The following TERT variants were observed in gnomAD, a reference collection of about 807,000 sequenced individuals.
The protein encoded by TERT is telomerase catalytic subunit.
Under a neutral mutation model 104.0 loss-of-function variants are expected in TERT, and 42 were observed. The ratio of observed to expected loss-of-function variants is 0.40; its 90% CI spans 0.32 to 0.52. The LOEUF is 0.52. TERT is among the 20% of genes least tolerant of loss of function. TERT has a pLI of 0.43. For synonymous variants in TERT, 781 were observed against 725.6 expected, an observed-to-expected ratio of 1.08 and a Z score of -1.23; for missense variants, 1,101 against 1,610.3, an observed-to-expected ratio of 0.68 and a Z score of 5.41.
chr5:1,256,706 G>A lies in TERT; in HGVS notation c.3033-1295C>T, dbSNP rs964085436. 3.3e-5 allele frequency among the ~76,000 whole-genome samples: 5 copies of A among 152,196 alleles called. No homozygotes were observed. Among genetic ancestry groups the A allele is most frequent in the African/African-American group, 1.2e-4 (5 of 41,434 alleles). On this transcript the variant is annotated intron_variant, in intron 13 of 15. Coordinates refer to ENST00000310581, the MANE Select transcript of TERT (RefSeq NM_198253.3). This position sits in a 1 kb window ranked among gnomAD's most constrained non-coding sequence, Gnocchi z 7.0. Reference sequence around the variant, plus strand: ...TGTCTTTTCCCCATTTAGCAACAACGGAAGCCAGGCCCAGAATGTTTTTAA... The same window carrying A: ...TGTCTTTTCCCCATTTAGCAACAACAGAAGCCAGGCCCAGAATGTTTTTAA...
intron 2 of TERT, 138 bp from the exon 3 acceptor site, chr5:1,282,762 C>G: frequency 2.4e-6 from 2 of 835,370 alleles, no homozygotes; most frequent in Non-Finnish European, 1.9e-6. Flanking sequence ...CATCCGGACA[C>G]GGCACATCCA....
At chr5:1,279,186 C>T (rs1469677578) in intron 5 of TERT, 105 bp downstream of exon 5, 1 of 1,337,422 alleles carries the variant, frequency 7.5e-7, no homozygotes, top group Non-Finnish European at 1.0e-6. Context: ...ACCTGCACTC[C>T]CTGCGGCCCA....
rs149223357 is a variant in TERT at position 1,261,386 on chromosome 5, A to C, written c.2844-786T>G. 6.7e-4 allele frequency among the ~76,000 whole-genome samples: 102 copies of C among 152,328 alleles called. No individual in the cohort carries two copies. Among genetic ancestry groups the C allele is most frequent in the African/African-American group, 2.3e-3 (94 of 41,574 alleles). On this transcript the variant is annotated intron_variant, in intron 11 of 15. Transcript: ENST00000310581. This position sits in a 1 kb window ranked among gnomAD's most constrained non-coding sequence, Gnocchi z 7.4. ...GGGCAGGTTCGTGACTTGCTGTGGC[A>C]AGTCCCCCTGCCTGGAACACTGGAA...
At chr5:1,272,095 A>T in intron 7 of TERT, 90 bp downstream of exon 7, 1 of 1,127,034 alleles carries the variant, frequency 8.9e-7, no homozygotes, top group Non-Finnish European at 1.3e-6. Context: ...CCCAGGGCCA[A>T]CAGTCTGTCC....
chr5:1,258,853 T>C (rs1441947342), intron 12 of TERT, among the ~76,000 whole-genome samples, 194 bp from the exon 13 acceptor site: 1 of 152,252 alleles, frequency 6.6e-6, no homozygotes, highest in Non-Finnish European at 1.5e-5. Context: ...GTCAAGACTC[T>C]GTGTCATCTG....
chr5:1,277,673 G>T (rs959449248), intron 6 of TERT, among the ~76,000 whole-genome samples: 1 of 150,476 alleles, frequency 6.6e-6, no homozygotes, highest in African/African-American at 2.5e-5. Context: ...GGGACGGGGG[G>T]GTCTCCTGGG....
At position 1,268,339 on chromosome 5, in the gene TERT, C is replaced by G. The variant is rs1448812023; in HGVS notation, c.2582+181G>C. The stretch of plus-strand genomic sequence containing the variant: ...CGCTGGACAGAGCCTGCGTGGAGCC[C>G]GCAGTCCTCAGGCTGTGCAACCCCT... On this transcript the variant is annotated intron_variant, in intron 9 of 15. Transcript: ENST00000310581. The surrounding 1 kb of genome is among the most constrained non-coding windows in gnomAD (Gnocchi z 5.5). Among the ~76,000 whole-genome samples the G allele has an allele frequency of 6.6e-6, 1 of 152,212 alleles. No homozygotes were observed. The highest frequency in any genetic ancestry group is 2.1e-4 in the South Asian group (1 of 4,830).
rs2126663666 is a variant in TERT, at chr5:1,286,661, T to A, written c.1574-4037A>T. On this transcript the variant is annotated intron_variant, in intron 2 of 15. Transcript: ENST00000310581. The surrounding 1 kb of genome is among the most constrained non-coding windows in gnomAD (Gnocchi z 5.3). Reference sequence around the variant, plus strand: ...GGGAGGCCAAGGCGGGCAGATCACTTGAGGTCAGGAGTTTGAGACCAGCCT... The same window carrying A: ...GGGAGGCCAAGGCGGGCAGATCACTAGAGGTCAGGAGTTTGAGACCAGCCT... Among the ~76,000 whole-genome samples, 1 of 152,228 alleles carries A rather than the reference T, an allele frequency of 6.6e-6. No individual in the cohort carries two copies. Among genetic ancestry groups the A allele is most frequent in the Admixed American group, 6.5e-5 (1 of 15,284 alleles).
At position 1,270,710 on chromosome 5, in the gene TERT, A is replaced by C. The variant is rs980271358; in HGVS notation, c.2468+409T>G. On this transcript the variant is annotated intron_variant, in intron 8 of 15. Coordinates refer to ENST00000310581, the MANE Select transcript of TERT (RefSeq NM_198253.3). This position sits in a 1 kb window ranked among gnomAD's most constrained non-coding sequence, Gnocchi z 8.3. ...CGACAGGGACAGGAATGAGAATCGG[A>C]TAAAATCCTTTTGTATCGGGAGAGA... Among the ~76,000 whole-genome samples, 8 of 152,258 alleles carry C rather than the reference A, an allele frequency of 5.3e-5. No individual in the cohort carries two copies. The highest frequency in any genetic ancestry group is 2.6e-4 in the Admixed American group (4 of 15,292).
At position 1,255,224 on chromosome 5, in the gene TERT, T is replaced by G; in HGVS notation, c.3157+63A>C. 6.3e-7 allele frequency: 1 copy of G among 1,597,852 alleles called. No homozygotes were observed. The highest frequency in any genetic ancestry group is 8.5e-7 in the Non-Finnish European group (1 of 1,171,460). ...TTCCTAAGCCCAGATTCACTCAGTC[T>G]CCTGACACACTAACACCAGCAGGCA... On this transcript the variant is annotated intron_variant, in intron 14 of 15. Coordinates refer to ENST00000310581, the MANE Select transcript of TERT (RefSeq NM_198253.3). This position sits in a 1 kb window ranked among gnomAD's most constrained non-coding sequence, Gnocchi z 6.9.
Position 1,286,836 on chromosome 5 carries a change from C to T in TERT, c.1574-4212G>A, listed in dbSNP as rs1455405793. ...GAGGTTGCAGTGAGCCGAGATTGTGCCATTACACTCCAGCCTGGGTGACAG... is the reference window on the plus strand; with the variant it reads ...GAGGTTGCAGTGAGCCGAGATTGTGTCATTACACTCCAGCCTGGGTGACAG... On this transcript the variant is annotated intron_variant, in intron 2 of 15. Coordinates refer to ENST00000310581, the MANE Select transcript of TERT (RefSeq NM_198253.3). This position sits in a 1 kb window ranked among gnomAD's most constrained non-coding sequence, Gnocchi z 5.3. Among the ~76,000 whole-genome samples, 1 of 152,114 alleles carries T rather than the reference C, an allele frequency of 6.6e-6. No individual in the cohort carries two copies. Among genetic ancestry groups the T allele is most frequent in the Non-Finnish European group, 1.5e-5 (1 of 68,024 alleles).
rs895640774 is a variant in TERT, at chr5:1,268,711, G to A, written c.2469-78C>T. Reference sequence around the variant, plus strand: ...GTACACTCAAACCGAGCCACACACAGACACAGAACCTCATACACACAAACG... The same window carrying A: ...GTACACTCAAACCGAGCCACACACAAACACAGAACCTCATACACACAAACG... On this transcript the variant is annotated intron_variant, in intron 8 of 15. Coordinates refer to ENST00000310581, the MANE Select transcript of TERT (RefSeq NM_198253.3). The surrounding 1 kb of genome is among the most constrained non-coding windows in gnomAD (Gnocchi z 5.5). The A allele has an allele frequency of 1.0e-6, 1 of 956,980 alleles. No individual in the cohort carries two copies. Among genetic ancestry groups the A allele is most frequent in the Non-Finnish European group, 1.7e-6 (1 of 595,862 alleles). The allele number at this position is 956,980 out of a possible 1,614,324, so 59.3% of individuals were successfully genotyped here.
intron 14 of TERT, among the ~76,000 whole-genome samples, chr5:1,254,917 C>A (rs749270196): frequency 5.9e-5 from 9 of 152,154 alleles, no homozygotes; most frequent in Non-Finnish European, 1.3e-4. Flanking sequence ...AGCCCTTGGC[C>A]TGGGTTTGCA....
At chr5:1,272,301 A>G (rs1264959009) in intron 6 of TERT, 21 bp from the exon 7 acceptor site, 12 of 1,600,160 alleles carry the variant, frequency 7.5e-6, no homozygotes, top group South Asian at 1.1e-5. Flanking sequence ...AGGAGAGGGC[A>G]TGAGCCACAA....
Position 1,282,399 on chromosome 5 carries a change from A to G in TERT, c.1769+30T>C, listed in dbSNP as rs1264268743. The G allele has an allele frequency of 9.3e-6, 15 of 1,611,064 alleles. No individual in the cohort carries two copies. The East Asian group carries it at 2.9e-4, about 31-fold the overall frequency. On this transcript the variant is annotated intron_variant, in intron 3 of 15. Transcript: ENST00000310581. Reference sequence around the variant, plus strand: ...CGGGCTGGTGTTCCAGGACTTCGAGAAGCAGAGGCCTGGCGTGGGGATACA... The same window carrying G: ...CGGGCTGGTGTTCCAGGACTTCGAGGAGCAGAGGCCTGGCGTGGGGATACA...
chr5:1,260,382 A>G, intron 12 of TERT, 92 bp downstream of exon 12: 1 of 1,591,374 alleles, frequency 6.3e-7, no homozygotes, highest in East Asian at 2.2e-5. Flanking sequence ...AGTCACCATC[A>G]GCCTTGCAGG....
intron 6 of TERT, 33 bp from the exon 7 acceptor site, chr5:1,272,313 T>C: frequency 6.3e-7 from 1 of 1,575,134 alleles, no homozygotes; most frequent in South Asian, 1.1e-5. Context: ...GAGCCACAAA[T>C]GTGGCCTGCC....
rs1052200377 is a variant in TERT, at chr5:1,268,223, C to A, written c.2582+297G>T. ...CGGAACCTGGGTGACGTGACAGAAG[C>A]TGGTGTGCTTCCTCGGTGTTGAATT... On this transcript the variant is annotated intron_variant, in intron 9 of 15. Coordinates refer to ENST00000310581, the MANE Select transcript of TERT (RefSeq NM_198253.3). This position sits in a 1 kb window ranked among gnomAD's most constrained non-coding sequence, Gnocchi z 5.5. Among the ~76,000 whole-genome samples the A allele has an allele frequency of 4.6e-5, 7 of 152,244 alleles. No homozygotes were observed. Among genetic ancestry groups the A allele is most frequent in the Non-Finnish European group, 1.0e-4 (7 of 68,048 alleles).
Position 1,257,007 on chromosome 5 carries a change from G to C in TERT, c.3032+1591C>G, listed in dbSNP as rs1747793155. Among the ~76,000 whole-genome samples the C allele has an allele frequency of 6.6e-6, 1 of 152,164 alleles. No homozygotes were observed. ...CTGGCTGCCGTGAAATCGGGGCCCAGCTCTCCGTTCTCCCACTCCTGCCTC... is the reference window on the plus strand; with the variant it reads ...CTGGCTGCCGTGAAATCGGGGCCCACCTCTCCGTTCTCCCACTCCTGCCTC... On this transcript the variant is annotated intron_variant, in intron 13 of 15. Coordinates refer to ENST00000310581, the MANE Select transcript of TERT (RefSeq NM_198253.3). This position sits in a 1 kb window ranked among gnomAD's most constrained non-coding sequence, Gnocchi z 5.6.
Sources: gnomAD v4.1 joint callset for allele counts (sites outside exome capture counted in the v4.1 genomes callset) on GRCh38, gnomAD v4.1.1 for gene constraint, Gnocchi (gnomAD v3.1) non-coding constraint, MANE v1.5 for transcripts, NCBI Gene and HGNC (gene_info 2026-07-23, HGNC 2026-07-21) for gene names.